NKAIN2: variants seen among roughly 807,000 people sequenced by gnomAD.
The protein encoded by NKAIN2 is sodium/potassium transporting ATPase interacting 2.
Under a neutral mutation model 32.6 loss-of-function variants are expected in NKAIN2, and 14 were observed. The ratio of observed to expected loss-of-function variants is 0.43; its 90% CI spans 0.28 to 0.67. The LOEUF (loss-of-function observed/expected upper bound fraction) is 0.67, where lower values mean the gene tolerates loss of function less well. Among genes scored for constraint, NKAIN2 ranks in the 30% least tolerant of loss-of-function variants. NKAIN2 has a pLI of 0.17. For missense variants in NKAIN2, 198 were observed against 258.3 expected, an observed-to-expected ratio of 0.77 and a Z score of 1.60; for synonymous variants, 80 against 87.2, an observed-to-expected ratio of 0.92 and a Z score of 0.46.
chr6:124,608,625 T>C (rs1469240890), intron 3 of NKAIN2, among the ~76,000 whole-genome samples: 1 of 152,140 alleles, frequency 6.6e-6, no homozygotes, highest in Non-Finnish European at 1.5e-5. Context: ...ATCTTCCAAG[T>C]TTTAAGAAGC....
At chr6:123,967,107 G>A (rs948560369) in intron 1 of NKAIN2, among the ~76,000 whole-genome samples, 3 of 152,072 alleles carry the variant, frequency 2.0e-5, no homozygotes, top group African/African-American at 7.2e-5. Context: ...AAGTGTAACC[G>A]GAATAGGCAA....
chr6:124,520,703 C>G (rs912368707), intron 3 of NKAIN2, among the ~76,000 whole-genome samples: 1 of 152,124 alleles, frequency 6.6e-6, no homozygotes, highest in African/African-American at 2.4e-5. Context: ...TCACTTTACC[C>G]TCTGAATTCT....
At chr6:124,111,921 T>A (rs577759686) in intron 1 of NKAIN2, among the ~76,000 whole-genome samples, 2 of 152,090 alleles carry the variant, frequency 1.3e-5, no homozygotes, top group African/African-American at 2.4e-5. Context: ...GCTAATAAGT[T>A]GAATTGCATA....
At chr6:123,813,204 T>C (rs1773552143) in intron 1 of NKAIN2, among the ~76,000 whole-genome samples, 1 of 152,188 alleles carries the variant, frequency 6.6e-6, no homozygotes, top group Non-Finnish European at 1.5e-5. Flanking sequence ...AGTGCTGCCT[T>C]CTGTGGTCTT....
chr6:124,751,699 C>A (rs1777728055), intron 4 of NKAIN2, among the ~76,000 whole-genome samples: 1 of 151,676 alleles, frequency 6.6e-6, no homozygotes, highest in Admixed American at 6.6e-5. Flanking sequence ...GAGATTTAGG[C>A]CAGGCACCAT....
chr6:124,168,634 A>T (rs149944992), intron 1 of NKAIN2, among the ~76,000 whole-genome samples: 1 of 152,082 alleles, frequency 6.6e-6, no homozygotes, highest in Non-Finnish European at 1.5e-5. Flanking sequence ...TGAATTTTAG[A>T]ACCATTGCCT....
In NKAIN2 at chr6:124,329,919, GCAGAAAAGGTAATCCATACT is replaced by G. The variant is rs147072258; in HGVS notation, c.193-25342_193-25323del. Among the ~76,000 whole-genome samples the G allele has an allele frequency of 9.8e-3, 1,494 of 152,296 alleles. 31 individuals are homozygous for G. The highest frequency in any genetic ancestry group is 0.035 in the African/African-American group (1,438 of 41,560). On this transcript the variant is annotated intron_variant, in intron 2 of 6. Coordinates refer to ENST00000368417, the MANE Select transcript of NKAIN2 (RefSeq NM_001040214.3). ...TGACTGGTTCTTCTAAAGCTTATAA[GCAGAAAAGGTAATCCATACT>G]CAGAATATTTCCAATTTTGCCCAGA...
At chr6:124,804,907 A>G (rs1199310599) in intron 5 of NKAIN2, among the ~76,000 whole-genome samples, 1 of 152,176 alleles carries the variant, frequency 6.6e-6, no homozygotes, top group Non-Finnish European at 1.5e-5. Flanking sequence ...CAGCAGTCTG[A>G]GATCAAACTG....
intron 1 of NKAIN2, among the ~76,000 whole-genome samples, chr6:123,900,532 G>GGTTTTTTTTTTT (rs1774516637): frequency 6.1e-5 from 2 of 32,790 alleles, no homozygotes; most frequent in Non-Finnish European, 2.2e-4. Flanking sequence ...CTCCAGATTA[G>GGTTTTTTTTTTT]TTTTTTTTTT....
chr6:124,343,748 T>C (rs945254374), intron 2 of NKAIN2, among the ~76,000 whole-genome samples: 1 of 150,070 alleles, frequency 6.7e-6, no homozygotes, highest in Non-Finnish European at 1.5e-5. Context: ...GTCAGAAGAG[T>C]AGTTTGCAAA....
chr6:124,008,772 G>C (rs978881591), intron 1 of NKAIN2, among the ~76,000 whole-genome samples: 3 of 152,064 alleles, frequency 2.0e-5, no homozygotes, highest in African/African-American at 7.2e-5. Context: ...TTGGCGACAG[G>C]CAACACAATA....
At chr6:124,742,274 C>T (rs1176184677) in intron 4 of NKAIN2, among the ~76,000 whole-genome samples, 2 of 151,684 alleles carry the variant, frequency 1.3e-5, no homozygotes, top group Admixed American at 6.6e-5. Context: ...GAAGGTTCAC[C>T]CTCACTAATG....
intron 4 of NKAIN2, among the ~76,000 whole-genome samples, chr6:124,721,895 T>C (rs2114633956): frequency 6.6e-6 from 1 of 152,338 alleles, no homozygotes; most frequent in South Asian, 2.1e-4. Flanking sequence ...ATTAAGTACA[T>C]TCACATTGTT....
At chr6:124,537,753 A>AT (rs1475403550) in intron 3 of NKAIN2, among the ~76,000 whole-genome samples, 2 of 152,150 alleles carry the variant, frequency 1.3e-5, no homozygotes, top group Non-Finnish European at 2.9e-5. Flanking sequence ...ATTGTTAGAA[A>AT]TAAGCTCATG....
chr6:124,687,708 AATATAATAT>A (rs1207555193), intron 4 of NKAIN2, among the ~76,000 whole-genome samples: 1 of 34,202 alleles, frequency 2.9e-5, no homozygotes, highest in African/African-American at 7.9e-5. Context: ...TGAATATATG[AATATAATAT>A]ATATAATATA....
At chr6:124,670,440 G>T (rs892179425) in intron 4 of NKAIN2, among the ~76,000 whole-genome samples, 1 of 151,924 alleles carries the variant, frequency 6.6e-6, no homozygotes, top group Non-Finnish European at 1.5e-5. Context: ...ATTTTGTATA[G>T]CATTATTTTA....
At chr6:124,551,514 T>C (rs936259392) in intron 3 of NKAIN2, among the ~76,000 whole-genome samples, 3 of 152,092 alleles carry the variant, frequency 2.0e-5, no homozygotes, top group Non-Finnish European at 2.9e-5. Context: ...CAAATCCCAA[T>C]ATTTCAAGAC....
intron 4 of NKAIN2, among the ~76,000 whole-genome samples, chr6:124,684,841 C>T (rs1045929440): frequency 7.9e-5 from 12 of 152,148 alleles, no homozygotes; most frequent in African/African-American, 2.9e-4. Flanking sequence ...CCCCAAATAC[C>T]TAACATCCAG....
chr6:124,556,416 G>A (rs1045317678), intron 3 of NKAIN2, among the ~76,000 whole-genome samples: 3 of 152,176 alleles, frequency 2.0e-5, no homozygotes, highest in African/African-American at 4.8e-5. Context: ...TGAGGGCTTT[G>A]ACCTCGTAAA....
Sources: gnomAD v4.1 joint callset for allele counts (sites outside exome capture counted in the v4.1 genomes callset) on GRCh38, gnomAD v4.1.1 for gene constraint, MANE v1.5 for transcripts, NCBI Gene and HGNC (gene_info 2026-07-23, HGNC 2026-07-21) for gene names.